CPZ: variants seen among roughly 807,000 people sequenced by gnomAD.
CPZ encodes carboxypeptidase Z, also known as VEZT/CPZ fusion.
In CPZ, 103 loss-of-function variants were observed where a neutral mutation model predicts 61.8. The ratio of observed to expected loss-of-function variants is 1.67; its 90% CI spans 1.42 to 1.96. The LOEUF (loss-of-function observed/expected upper bound fraction) is 1.96, where lower values mean the gene tolerates loss of function less well. CPZ is among the 30% of genes most tolerant of loss of function. The pLI, the probability that CPZ is intolerant of heterozygous loss-of-function variation, is 0.00. For missense variants in CPZ, 1,461 were observed against 914.9 expected, an observed-to-expected ratio of 1.60 and a Z score of -7.70; for synonymous variants, 551 against 373.7, an observed-to-expected ratio of 1.47 and a Z score of -5.47.
In CPZ at chr4:8,619,616, AGCCCCG is replaced by A; in HGVS notation, c.*5_*10del. On this transcript the variant is annotated stop_retained_variant and 3_prime_UTR_variant, in exon 11 of 11. Transcript: ENST00000360986. ...AGGCCACGCTGGCTGCTCAAGTACT[AGCCCCG>A]GCCCCAGCACCCGCCAGGATGTGGA... is the stretch of plus-strand genomic sequence containing the variant. 1 of 1,487,854 alleles carries A rather than the reference AGCCCCG, an allele frequency of 6.7e-7. No individual in the cohort carries two copies. Among genetic ancestry groups the A allele is most frequent in the Non-Finnish European group, 8.9e-7 (1 of 1,120,486 alleles). The allele number at this position is 1,487,854 out of a possible 1,614,324, so 92.2% of individuals were successfully genotyped here. A position where few individuals can be genotyped will look rare whatever the true frequency, so the allele number is the denominator to read the frequency against.
intron 9 of CPZ, among the ~76,000 whole-genome samples, chr4:8,616,577 A>AG (rs1190390037): frequency 1.3e-5 from 2 of 151,538 alleles, no homozygotes; most frequent in Non-Finnish European, 2.9e-5. Context: ...GAGGAGGAGG[A>AG]GTGTGAGCTG....
intron 7 of CPZ, among the ~76,000 whole-genome samples, chr4:8,610,538 C>T (rs1715563820): frequency 1.3e-5 from 2 of 152,048 alleles, no homozygotes; most frequent in African/African-American, 4.8e-5. Context: ...TCCCACCCTC[C>T]TACCCCCCGA....
intron 7 of CPZ, chr4:8,611,197 T>C (rs1412241506): frequency 2.2e-6 from 1 of 455,618 alleles, no homozygotes; most frequent in Non-Finnish European, 4.4e-6. Context: ...CCTGTCCTGC[T>C]TGGTGGGGCC....
At chr4:8,605,868 G>A (rs768010081) in intron 4 of CPZ, 121 bp from the exon 5 acceptor site, 11 of 992,592 alleles carry the variant, frequency 1.1e-5, no homozygotes, top group African/African-American at 1.6e-5. Context: ...AGGTTCTTGA[G>A]TCAAAACAAG....
chr4:8,609,379 A>C (rs916493347), intron 7 of CPZ, among the ~76,000 whole-genome samples: 4 of 146,986 alleles, frequency 2.7e-5, no homozygotes, highest in Non-Finnish European at 3.0e-5. Flanking sequence ...TCATTCACTC[A>C]CTCTTATTCT....
In CPZ at chr4:8,593,000, C is replaced by G. The variant is rs1713909011; in HGVS notation, c.88+79C>G. On this transcript the variant is annotated intron_variant, in intron 1 of 10. Coordinates refer to ENST00000360986, the MANE Select transcript of CPZ (RefSeq NM_001014447.3). The stretch of plus-strand genomic sequence containing the variant: ...AGTGTGATCCGTCGCTTCCCAGGGG[C>G]CCGGGAGCTTTCTTCCAGTAGGTCA... 2.5e-6 allele frequency: 3 copies of G among 1,187,910 alleles called. No individual in the cohort carries two copies. The African/African-American group carries it at 4.6e-5, about 18-fold the overall frequency. The allele number at this position is 1,187,910 out of a possible 1,614,324, so 73.6% of individuals were successfully genotyped here.
chr4:8,606,413 TGGAAAG>T (rs1192252900), intron 5 of CPZ, among the ~76,000 whole-genome samples: 1 of 151,670 alleles, frequency 6.6e-6, no homozygotes, highest in East Asian at 1.9e-4. Context: ...AGGAAAATGA[TGGAAAG>T]GGAGTCGATG....
intron 8 of CPZ, 54 bp from the exon 9 acceptor site, chr4:8,614,305 G>C (rs867919989): frequency 1.1e-5 from 17 of 1,567,412 alleles, no homozygotes; most frequent in African/African-American, 2.9e-5. Context: ...CTGACGTCCC[G>C]GCTGTCTCTG....
At chr4:8,609,791 C>T (rs560140215) in intron 7 of CPZ, among the ~76,000 whole-genome samples, 2 of 152,246 alleles carry the variant, frequency 1.3e-5, no homozygotes, top group Non-Finnish European at 1.5e-5. Context: ...CATCAATCAT[C>T]GGGCAGTGAT....
intron 2 of CPZ, 40 bp downstream of exon 2, chr4:8,599,525 G>T (rs1352285849): frequency 6.2e-7 from 1 of 1,611,078 alleles, no homozygotes; most frequent in Admixed American, 1.7e-5. Context: ...TTCTGTAGGA[G>T]GGCTGCAGCC....
chr4:8,609,114 ACTCC>A (rs1302580292), intron 7 of CPZ, among the ~76,000 whole-genome samples: 187 of 34,716 alleles, frequency 5.4e-3, no homozygotes, highest in Middle Eastern at 0.022. Context: ...TCCCTTCCTC[ACTCC>A]CTCACTCATT....
At chr4:8,618,405 C>T (rs1716385842) in intron 9 of CPZ, 24 bp from the exon 10 acceptor site, 1 of 1,611,492 alleles carries the variant, frequency 6.2e-7, no homozygotes, top group Non-Finnish European at 8.5e-7. Context: ...CGCCATCTCC[C>T]TGGCCTCCCC....
At position 8,601,404 on chromosome 4, in the gene CPZ, G is replaced by A. The variant is rs775620343; in HGVS notation, c.403G>A (p.Ala135Thr). The A allele has an allele frequency of 2.9e-5, 46 of 1,588,718 alleles. No homozygotes were observed. In the South Asian group the frequency reaches 2.9e-4, roughly 10 times the overall value. The change falls in exon 3 of 11, where the codon GCC becomes ACC. Residue 135 changes from alanine to threonine, a missense_variant. Physicochemically the swap from Ala to Thr is moderately conservative, Grantham distance 58. Transcript: ENST00000360986. ...LREVCQPAFD[A>T]IDMAWPYFLD... ...GGAGGTCTGCCAGCCCGCCTTCGAC[G>A]CCATTGACATGGCCTGGCCCTACTT...
At chr4:8,616,731 G>C (rs1304200450) in intron 9 of CPZ, among the ~76,000 whole-genome samples, 1 of 152,204 alleles carries the variant, frequency 6.6e-6, no homozygotes, top group Admixed American at 6.5e-5. Flanking sequence ...GAGCTGTCCA[G>C]TTTCTCTTCA....
rs376041091 is a variant in CPZ at position 8,619,412 on chromosome 4, G to T, written c.1754G>T (p.Gly585Val). ...GRVDFILQPLGMGPKNFIHGL... is the reference protein window; with the variant it reads ...GRVDFILQPLVMGPKNFIHGL... Reference sequence around the variant, plus strand: ...GTGGACTTCATTCTGCAACCTCTGGGGATGGGACCCAAGAACTTTATTCAT... The same window carrying T: ...GTGGACTTCATTCTGCAACCTCTGGTGATGGGACCCAAGAACTTTATTCAT... The change falls in exon 11 of 11, where the codon GGG becomes GTG. Residue 585 changes from glycine (G) to valine (V), a missense_variant. Gly to Val is a moderately radical substitution (Grantham distance 109, BLOSUM62 -3). Transcript: ENST00000360986. 12 of 1,614,034 alleles carry T rather than the reference G, an allele frequency of 7.4e-6. No homozygotes were observed. The highest frequency in any genetic ancestry group is 1.6e-4 in the Middle Eastern group (1 of 6,080).
At position 8,607,339 on chromosome 4, in the gene CPZ, G is replaced by C. The variant is rs141998267; in HGVS notation, c.1141G>C (p.Gly381Arg). 1.6e-5 allele frequency: 26 copies of C among 1,613,996 alleles called. No individual in the cohort carries two copies. In the African/African-American group the frequency reaches 2.5e-4, roughly 16 times the overall value. The change falls in exon 7 of 11, where the codon GGG becomes CGG. Residue 381 changes from glycine to arginine, a missense_variant. By Grantham distance (125) the Gly-to-Arg change is moderately radical. Coordinates refer to ENST00000360986, the MANE Select transcript of CPZ (RefSeq NM_001014447.3). ...CTTTGTGCTCTCAGCCAGCCTTCAT[G>C]GGGGCGACCTGGTGGTGTCCTACCC... ...IPFVLSASLH[G>R]GDLVVSYPFD...
chr4:8,608,421 TCTC>T (rs1394783587), intron 7 of CPZ, among the ~76,000 whole-genome samples: 14 of 152,276 alleles, frequency 9.2e-5, no homozygotes, highest in Admixed American at 2.6e-4. Context: ...CATCGTTTGT[TCTC>T]CTTTCTGAGG....
intron 7 of CPZ, chr4:8,611,087 TTCAC>T (rs61069089): frequency 0.011 from 4,153 of 390,370 alleles, 41 homozygotes; most frequent in East Asian, 0.013. Context: ...CATTCGCTCA[TTCAC>T]TCACTCACTC....
intron 7 of CPZ, among the ~76,000 whole-genome samples, chr4:8,607,670 T>G (rs139584502): frequency 1.1e-3 from 164 of 152,240 alleles, no homozygotes; most frequent in Middle Eastern, 0.01. Context: ...CTTTCACATG[T>G]CCCCGTCTGG....
Sources: allele counts gnomAD v4.1 joint callset (sites outside exome capture counted in the v4.1 genomes callset), GRCh38; gene constraint gnomAD v4.1.1; transcripts MANE v1.5; gene names NCBI Gene and HGNC (gene_info 2026-07-23, HGNC 2026-07-21).